Variants in MGMT observed in about 807,000 individuals in gnomAD.
The protein encoded by MGMT is O-6-methylguanine-DNA methyltransferase, also known as methylated-DNA--protein-cysteine methyltransferase.
A neutral mutation model predicts 15.9 loss-of-function variants in MGMT; 14 were observed. That is an observed-to-expected ratio of 0.88 (90% confidence interval 0.58 to 1.37). MGMT has a LOEUF of 1.37. Ranked by LOEUF, MGMT falls within the 40% of genes most tolerant of loss-of-function variation. MGMT has a pLI of 0.00. For missense variants in MGMT, 282 were observed against 268.1 expected (o/e 1.05, Z -0.36); for synonymous variants, 130 against 118.2 (o/e 1.10, Z -0.65).
At chr10:129,625,441 C>A (rs1847135752) in intron 2 of MGMT, among the ~76,000 whole-genome samples, 1 of 152,280 alleles carries the variant, frequency 6.6e-6, no homozygotes, top group East Asian at 1.9e-4. Flanking sequence ...AGACCAATGT[C>A]TCTCATGAAC....
intron 3 of MGMT, among the ~76,000 whole-genome samples, chr10:129,744,143 C>T (rs960167009): frequency 2.0e-5 from 3 of 152,254 alleles, no homozygotes; most frequent in South Asian, 2.1e-4. Flanking sequence ...TCCTGTCCTT[C>T]TAGAGGCCAG....
At chr10:129,546,014 G>T (rs968901555) in intron 2 of MGMT, among the ~76,000 whole-genome samples, 3 of 152,230 alleles carry the variant, frequency 2.0e-5, no homozygotes, top group African/African-American at 7.2e-5. Flanking sequence ...AATTCATCCA[G>T]AATTTTTATT....
chr10:129,644,215 G>T (rs959399206), intron 2 of MGMT, among the ~76,000 whole-genome samples: 2 of 152,098 alleles, frequency 1.3e-5, no homozygotes, highest in Admixed American at 6.5e-5. Flanking sequence ...TCTTACTCCC[G>T]GTACACCCAG....
chr10:129,493,702 T>G (rs1467758829), intron 1 of MGMT, among the ~76,000 whole-genome samples: 1 of 152,134 alleles, frequency 6.6e-6, no homozygotes, highest in Non-Finnish European at 1.5e-5. Context: ...AGGCCCAGTG[T>G]GGGATCTGGG....
chr10:129,754,402 A>C (rs993028304), intron 3 of MGMT, among the ~76,000 whole-genome samples: 4 of 152,124 alleles, frequency 2.6e-5, no homozygotes, highest in African/African-American at 9.7e-5. Context: ...TAGGGGGAGC[A>C]CACCTCTTCC....
intron 2 of MGMT, among the ~76,000 whole-genome samples, chr10:129,574,828 G>A (rs1422004781): frequency 2.0e-5 from 3 of 152,132 alleles, no homozygotes; most frequent in South Asian, 4.1e-4. Flanking sequence ...AAATATTGCT[G>A]CCTTCATAGC....
At chr10:129,567,180 C>T (rs546051537) in intron 2 of MGMT, among the ~76,000 whole-genome samples, 4 of 152,178 alleles carry the variant, frequency 2.6e-5, no homozygotes, top group Admixed American at 2.0e-4. Context: ...TCAGCCCGTG[C>T]GGGTGGTCAT....
intron 1 of MGMT, among the ~76,000 whole-genome samples, chr10:129,515,394 C>T (rs973699781): frequency 2.0e-5 from 3 of 152,152 alleles, no homozygotes; most frequent in South Asian, 2.1e-4. Context: ...CGCAAGGCCC[C>T]GTTGAAGGGC....
chr10:129,524,204 C>T (rs970124722), intron 1 of MGMT, among the ~76,000 whole-genome samples: 6 of 152,234 alleles, frequency 3.9e-5, no homozygotes, highest in Non-Finnish European at 1.5e-5. Context: ...GCTGGCTGCA[C>T]TACCTCCCGC....
chr10:129,651,159 T>C (rs1450935717), intron 2 of MGMT, among the ~76,000 whole-genome samples: 1 of 152,214 alleles, frequency 6.6e-6, no homozygotes, highest in East Asian at 1.9e-4. Context: ...GCATGCTCCC[T>C]GCAGCCCTTG....
chr10:129,654,162 A>G (rs1451537771), intron 2 of MGMT, among the ~76,000 whole-genome samples: 1 of 152,132 alleles, frequency 6.6e-6, no homozygotes, highest in African/African-American at 2.4e-5. Flanking sequence ...ATAAAGATGC[A>G]GGTGGGAAGC....
At chr10:129,669,172 A>T (rs990984778) in intron 2 of MGMT, among the ~76,000 whole-genome samples, 7 of 152,110 alleles carry the variant, frequency 4.6e-5, no homozygotes, top group African/African-American at 1.2e-4. Context: ...TTGTTTTTTT[A>T]AAAATCAACT....
At chr10:129,676,292 C>G (rs766073519) in intron 2 of MGMT, among the ~76,000 whole-genome samples, 12 of 152,172 alleles carry the variant, frequency 7.9e-5, no homozygotes, top group African/African-American at 1.7e-4. Context: ...ACACTTTGGC[C>G]GCTGTCATGG....
intron 1 of MGMT, among the ~76,000 whole-genome samples, chr10:129,488,552 T>C (rs1845436687): frequency 6.6e-6 from 1 of 152,202 alleles, no homozygotes; most frequent in African/African-American, 2.4e-5. Flanking sequence ...TGGACAGGAG[T>C]TTCTAATTTT....
intron 3 of MGMT, among the ~76,000 whole-genome samples, chr10:129,728,423 C>T (rs776642174): frequency 1.1e-4 from 16 of 152,082 alleles, no homozygotes; most frequent in East Asian, 1.9e-4. Context: ...GCCAAGGGGG[C>T]GGACCCCGCA....
At chr10:129,599,966 A>G (rs1034831576) in intron 2 of MGMT, among the ~76,000 whole-genome samples, 6 of 147,908 alleles carry the variant, frequency 4.1e-5, no homozygotes, top group African/African-American at 1.2e-4. Context: ...GTTGTTACCT[A>G]TAGGTAAGTA....
chr10:129,555,978 G>T (rs942900531), intron 2 of MGMT, among the ~76,000 whole-genome samples: 1 of 152,116 alleles, frequency 6.6e-6, no homozygotes, highest in Admixed American at 6.5e-5. Flanking sequence ...CCTCAAAACG[G>T]GGCACCCTCC....
intron 2 of MGMT, among the ~76,000 whole-genome samples, chr10:129,667,069 C>T (rs1263758179): frequency 6.6e-6 from 1 of 152,170 alleles, no homozygotes; most frequent in African/African-American, 2.4e-5. Flanking sequence ...AAGCGTCACC[C>T]ATTGTTTCTA....
At chr10:129,510,868 A>T (rs987301480) in intron 1 of MGMT, among the ~76,000 whole-genome samples, 3 of 150,814 alleles carry the variant, frequency 2.0e-5, no homozygotes, top group African/African-American at 4.9e-5. Flanking sequence ...CATATATCGG[A>T]TGCAGCCACA....
Sources: allele counts gnomAD v4.1 joint callset (sites outside exome capture counted in the v4.1 genomes callset), GRCh38; gene constraint gnomAD v4.1.1; transcripts MANE v1.5; gene names NCBI Gene and HGNC (gene_info 2026-07-23, HGNC 2026-07-21).